CTNNA2: variants seen among roughly 807,000 people sequenced by gnomAD.
The protein encoded by CTNNA2 is catenin alpha-2.
A neutral mutation model predicts 101.0 loss-of-function variants in CTNNA2; 42 were observed. The observed-to-expected ratio is 0.42, with a 90% confidence interval of 0.32 to 0.54. CTNNA2 has a LOEUF of 0.54. Ranked by LOEUF, CTNNA2 falls within the 20% of genes least tolerant of loss-of-function variation. The pLI, the probability that CTNNA2 is intolerant of heterozygous loss-of-function variation, is 0.14. For missense variants in CTNNA2, 871 were observed against 1,223.1 expected, an observed-to-expected ratio of 0.71 and a Z score of 4.29; for synonymous variants, 450 against 456.4, an observed-to-expected ratio of 0.99 and a Z score of 0.18.
chr2:79,897,671 C>A (rs946653638), intron 6 of CTNNA2, among the ~76,000 whole-genome samples: 2 of 152,180 alleles, frequency 1.3e-5, no homozygotes, highest in Non-Finnish European at 2.9e-5. Context: ...AGCCAGGTTT[C>A]TAATCCAAGC....
At chr2:80,106,052 C>T (rs879654503) in intron 7 of CTNNA2, among the ~76,000 whole-genome samples, 6 of 152,116 alleles carry the variant, frequency 3.9e-5, no homozygotes, top group South Asian at 2.1e-4. Flanking sequence ...AGGAGGATAC[C>T]GGGGATAGGT....
intron 7 of CTNNA2, among the ~76,000 whole-genome samples, chr2:80,146,496 C>T (rs1268774800): frequency 1.3e-5 from 2 of 152,004 alleles, no homozygotes; most frequent in Admixed American, 6.6e-5. Flanking sequence ...GCTTCTCCAT[C>T]CATTTTTTTC....
chr2:79,398,482 G>C lies in CTNNA2; in HGVS notation c.-135+24469G>C, dbSNP rs569970304. On this transcript the variant is annotated intron_variant, in intron 4 of 21. Coordinates refer to the CTNNA2 transcript ENST00000466387. ...AGTAGGTCTGGGTTGGGTCCCAAGA[G>C]TTTCCATTTAAACAAATTTTTAGCT... Among the ~76,000 whole-genome samples the C allele has an allele frequency of 9.9e-5, 15 of 152,164 alleles. No homozygotes were observed. In the East Asian group the frequency reaches 2.9e-3, roughly 30 times the overall value.
intron 14 of CTNNA2, among the ~76,000 whole-genome samples, chr2:80,582,727 T>G (rs1008425080): frequency 1.3e-5 from 2 of 152,140 alleles, no homozygotes; most frequent in African/African-American, 4.8e-5. Flanking sequence ...TATTCTAATT[T>G]TCTTTGTTAA....
chr2:80,424,821 G>A (rs1680851969), intron 9 of CTNNA2, among the ~76,000 whole-genome samples: 1 of 152,138 alleles, frequency 6.6e-6, no homozygotes, highest in Admixed American at 6.5e-5. Flanking sequence ...CTTGCCTGTT[G>A]CTATTTGCAA....
At chr2:80,139,603 A>C (rs1318089955) in intron 7 of CTNNA2, among the ~76,000 whole-genome samples, 1 of 152,154 alleles carries the variant, frequency 6.6e-6, no homozygotes, top group Non-Finnish European at 1.5e-5. Context: ...ACATCAATAC[A>C]TAATACAATA....
chr2:79,737,842 A>G (rs984633034), intron 2 of CTNNA2, among the ~76,000 whole-genome samples: 20 of 152,276 alleles, frequency 1.3e-4, no homozygotes, highest in Admixed American at 1.2e-3. Flanking sequence ...TCCTTCTCAC[A>G]TTTCAAAATC....
intron 2 of CTNNA2, among the ~76,000 whole-genome samples, chr2:79,258,061 A>G (rs1477853124): frequency 6.6e-6 from 1 of 151,966 alleles, no homozygotes; most frequent in East Asian, 1.9e-4. Flanking sequence ...TGCCCACACT[A>G]CTCCAGTATT....
At chr2:79,351,440 A>C (rs548479438) in intron 3 of CTNNA2, among the ~76,000 whole-genome samples, 1 of 152,218 alleles carries the variant, frequency 6.6e-6, no homozygotes, top group African/African-American at 2.4e-5. Flanking sequence ...GTATTTATTT[A>C]ACTTTTATTT....
chr2:79,874,313 G>A lies in CTNNA2; in HGVS notation c.823G>A (p.Glu275Lys). The A allele has an allele frequency of 2.5e-6, 4 of 1,613,936 alleles. No individual in the cohort carries two copies. The highest frequency in any genetic ancestry group is 3.4e-6 in the Non-Finnish European group (4 of 1,180,022). ...AGCCAAGGGCCACACGGGCATCGGC[G>A]AGCTGGCTGCGGCTCTTAATGAGTT... ...DEAKGHTGIGELAAALNEFDN... is the reference protein window; with the variant it reads ...DEAKGHTGIGKLAAALNEFDN... The change falls in exon 6 of 19, where the codon GAG becomes AAG. Residue 275 changes from glutamate (E) to lysine (K), a missense_variant. Around this residue, in one of 5 missense-constraint regions of CTNNA2, gnomAD observed 647 missense variants for 831.5 expected, o/e 0.78. Coordinates refer to ENST00000402739, the MANE Select transcript of CTNNA2 (RefSeq NM_001282597.3).
chr2:80,560,384 T>C (rs909368920), intron 12 of CTNNA2, among the ~76,000 whole-genome samples: 14 of 152,008 alleles, frequency 9.2e-5, no homozygotes, highest in Admixed American at 7.2e-4. Context: ...AGAACTGTTA[T>C]TTGACTGCTA....
At chr2:80,316,458 C>T (rs1175399428) in intron 7 of CTNNA2, among the ~76,000 whole-genome samples, 2 of 152,126 alleles carry the variant, frequency 1.3e-5, no homozygotes, top group Non-Finnish European at 2.9e-5. Flanking sequence ...AACCTTTAGT[C>T]TGCAGTTTAA....
chr2:79,617,729 G>A (rs1678717645), intron 1 of CTNNA2, among the ~76,000 whole-genome samples: 3 of 152,050 alleles, frequency 2.0e-5, no homozygotes, highest in Non-Finnish European at 2.9e-5. Flanking sequence ...AAAATCATGA[G>A]GCTTTTCCTA....
At chr2:79,719,184 G>T (rs1027436817) in intron 2 of CTNNA2, among the ~76,000 whole-genome samples, 1 of 152,116 alleles carries the variant, frequency 6.6e-6, no homozygotes, top group Non-Finnish European at 1.5e-5. Flanking sequence ...CACTGTCCCT[G>T]TGTTAATTCC....
Position 80,569,633 on chromosome 2 carries a change from G to GTTT in CTNNA2, c.1742-4505_1742-4503dup, listed in dbSNP as rs70940088. Among the ~76,000 whole-genome samples the GTTT allele has an allele frequency of 1.1e-3, 56 of 51,734 alleles. 9 individuals carry two copies. Among genetic ancestry groups the GTTT allele is most frequent in the East Asian group, 9.5e-3 (16 of 1,684 alleles). 33.9% of individuals were successfully genotyped at this position (51,734 alleles called of 152,430 possible). ...TCAGTATTACTTTTGGGGTATTTAG[G>GTTT]TTTTTTTTTTTTTTTTTTTTTTTTT... On this transcript the variant is annotated intron_variant, in intron 12 of 18. Coordinates refer to ENST00000402739, the MANE Select transcript of CTNNA2 (RefSeq NM_001282597.3).
At chr2:80,216,564 G>A (rs1043619391) in intron 7 of CTNNA2, among the ~76,000 whole-genome samples, 2 of 152,146 alleles carry the variant, frequency 1.3e-5, no homozygotes, top group African/African-American at 4.8e-5. Context: ...ATAAGAAGAA[G>A]CCATAGAGCT....
At chr2:79,823,883 A>C (rs952070617) in intron 3 of CTNNA2, among the ~76,000 whole-genome samples, 5 of 152,180 alleles carry the variant, frequency 3.3e-5, no homozygotes, top group African/African-American at 1.2e-4. Context: ...TTTTATGTTT[A>C]GTCTTACTTG....
At chr2:80,243,844 T>G (rs1033726949) in intron 7 of CTNNA2, among the ~76,000 whole-genome samples, 3 of 152,244 alleles carry the variant, frequency 2.0e-5, no homozygotes, top group African/African-American at 7.2e-5. Flanking sequence ...TTTGACTTTT[T>G]AAGGAACAAC....
intron 7 of CTNNA2, among the ~76,000 whole-genome samples, chr2:80,211,416 GT>G (rs1183624567): frequency 1.3e-5 from 2 of 152,274 alleles, no homozygotes; most frequent in African/African-American, 4.8e-5. Flanking sequence ...AAGGGATCCA[GT>G]TTCAGCTTTC....
Sources: gnomAD v4.1 joint callset for allele counts (sites outside exome capture counted in the v4.1 genomes callset) on GRCh38, gnomAD v4.1.1 for gene constraint, gnomAD v4.1.1 regional missense constraint, MANE v1.5 for transcripts, NCBI Gene and HGNC (gene_info 2026-07-23, HGNC 2026-07-21) for gene names.